RBFOX3: variants seen among roughly 807,000 people sequenced by gnomAD.
RBFOX3 encodes RNA binding protein fox-1 homolog 3.
Under a neutral mutation model 48.7 loss-of-function variants are expected in RBFOX3, and 17 were observed. The observed-to-expected ratio is 0.35, with a 90% confidence interval of 0.24 to 0.52. The LOEUF (loss-of-function observed/expected upper bound fraction) is 0.52, where lower values mean the gene tolerates loss of function less well. Among genes scored for constraint, RBFOX3 ranks in the 20% least tolerant of loss-of-function variants. The probability of loss-of-function intolerance (pLI) is 0.94; values close to 1 mark genes in which losing one functional copy is unlikely to be tolerated. For missense variants in RBFOX3, 382 were observed against 497.5 expected, an observed-to-expected ratio of 0.77 and a Z score of 2.21; for synonymous variants, 212 against 209.5, an observed-to-expected ratio of 1.01 and a Z score of -0.10.
chr17:79,487,254 G>C (rs1185454788), intron 1 of RBFOX3, among the ~76,000 whole-genome samples: 1 of 152,214 alleles, frequency 6.6e-6, no homozygotes, highest in African/African-American at 2.4e-5. Context: ...CAGGCAGAGA[G>C]GAGGCTAGGA....
At position 79,252,709 on chromosome 17, in the gene RBFOX3, C is replaced by T. The variant is rs8066768; in HGVS notation, c.-73-16904G>A. Among the ~76,000 whole-genome samples, 11,561 of 152,282 alleles carry T rather than the reference C, an allele frequency of 0.076. 459 individuals are homozygous for T. The highest frequency in any genetic ancestry group is 0.11 in the South Asian group (530 of 4,822). ...TAATGCGGTCCTCTTGGAAAGTTCT[C>T]AGCGTCACATCGCTCTGGCTGTGTT... On this transcript the variant is annotated intron_variant, in intron 3 of 14. Transcript: ENST00000693108. The surrounding 1 kb of genome is among the most constrained non-coding windows in gnomAD (Gnocchi z 4.0).
intron 14 of RBFOX3, chr17:79,092,370 C>A: frequency 1.0e-6 from 1 of 985,634 alleles, no homozygotes; most frequent in South Asian, 4.7e-5. Context: ...TGCAGACATA[C>A]AGGAAAAACC....
At chr17:79,411,850 A>G (rs2148591203) in intron 2 of RBFOX3, among the ~76,000 whole-genome samples, 1 of 152,364 alleles carries the variant, frequency 6.6e-6, no homozygotes, top group South Asian at 2.1e-4. Flanking sequence ...ACTGGGGCCA[A>G]TTAAATGGAA....
rs533471939 is a variant in RBFOX3 at position 79,283,351 on chromosome 17, C to T, written c.-74+24373G>A. Reference sequence around the variant, plus strand: ...TAGCGTGATCTCGGCTCACTGCAACCTCTGCCTCCTGGGTTCAAGCAATTC... The same window carrying T: ...TAGCGTGATCTCGGCTCACTGCAACTTCTGCCTCCTGGGTTCAAGCAATTC... On this transcript the variant is annotated intron_variant, in intron 3 of 14. Transcript: ENST00000693108. Among the ~76,000 whole-genome samples, 11 of 150,494 alleles carry T rather than the reference C, an allele frequency of 7.3e-5. No homozygotes were observed. In the East Asian group the frequency reaches 2.2e-3, roughly 30 times the overall value.
intron 3 of RBFOX3, among the ~76,000 whole-genome samples, chr17:79,303,059 A>G (rs2075562689): frequency 6.6e-6 from 1 of 152,084 alleles, no homozygotes; most frequent in Non-Finnish European, 1.5e-5. Context: ...ATTTACAAAA[A>G]TTAGATGGTT....
chr17:79,323,486 C>A (rs993352882), intron 2 of RBFOX3, among the ~76,000 whole-genome samples: 1 of 152,206 alleles, frequency 6.6e-6, no homozygotes, highest in Non-Finnish European at 1.5e-5. Flanking sequence ...TAAGCCCCAC[C>A]TTGCCACCCT....
At chr17:79,437,533 C>T (rs1404876876) in intron 2 of RBFOX3, among the ~76,000 whole-genome samples, 2 of 152,218 alleles carry the variant, frequency 1.3e-5, no homozygotes, top group African/African-American at 4.8e-5. Context: ...GAGCCCGGGA[C>T]ACCCGGTAGG....
intron 2 of RBFOX3, among the ~76,000 whole-genome samples, chr17:79,367,785 G>T (rs1032106869): frequency 7.2e-5 from 11 of 152,236 alleles, no homozygotes; most frequent in Admixed American, 2.0e-4. Context: ...GGCAGCCAAG[G>T]TATGTGACAG....
chr17:79,248,419 G>T (rs1248583333), intron 3 of RBFOX3, among the ~76,000 whole-genome samples: 1 of 152,180 alleles, frequency 6.6e-6, no homozygotes, highest in Non-Finnish European at 1.5e-5. Flanking sequence ...TAAAAGCCAG[G>T]TGTCTGTCCC....
chr17:79,263,559 G>A (rs1038607413), intron 3 of RBFOX3, among the ~76,000 whole-genome samples: 1 of 152,134 alleles, frequency 6.6e-6, no homozygotes, highest in Admixed American at 6.5e-5. Context: ...CAGGAAGGCA[G>A]AGGCTGCCCC....
At chr17:79,463,702 C>T (rs2075892161) in intron 2 of RBFOX3, among the ~76,000 whole-genome samples, 1 of 151,184 alleles carries the variant, frequency 6.6e-6, no homozygotes, top group African/African-American at 2.4e-5. Flanking sequence ...CTGCCATCAC[C>T]ACTGCCACCT....
At chr17:79,155,262 C>T (rs554587669) in intron 4 of RBFOX3, among the ~76,000 whole-genome samples, 2 of 152,352 alleles carry the variant, frequency 1.3e-5, no homozygotes, top group African/African-American at 2.4e-5. Context: ...TCAGAACCCG[C>T]CCCACACCCC....
At chr17:79,262,705 G>A (rs753893055) in intron 3 of RBFOX3, among the ~76,000 whole-genome samples, 6 of 152,188 alleles carry the variant, frequency 3.9e-5, no homozygotes, top group African/African-American at 9.6e-5. Flanking sequence ...TGGCTGCCCC[G>A]TGTGCCCCAC....
chr17:79,384,500 G>A (rs865904241), intron 2 of RBFOX3, among the ~76,000 whole-genome samples: 40 of 152,312 alleles, frequency 2.6e-4, no homozygotes, highest in African/African-American at 9.6e-4. Flanking sequence ...AGAACCGTCT[G>A]CCCTCAAAAT....
chr17:79,110,033 C>T (rs1387503737), intron 5 of RBFOX3, among the ~76,000 whole-genome samples: 1 of 152,050 alleles, frequency 6.6e-6, no homozygotes, highest in Non-Finnish European at 1.5e-5. Context: ...CACGGACTGC[C>T]CCAGGCCGGG....
At chr17:79,356,952 C>T (rs1275242139) in intron 2 of RBFOX3, among the ~76,000 whole-genome samples, 1 of 152,188 alleles carries the variant, frequency 6.6e-6, no homozygotes, top group Non-Finnish European at 1.5e-5. Flanking sequence ...AGATGGGACA[C>T]TTGGCTACCC....
At chr17:79,106,129 G>C (rs1401617208) in intron 6 of RBFOX3, among the ~76,000 whole-genome samples, 1 of 152,024 alleles carries the variant, frequency 6.6e-6, no homozygotes, top group Non-Finnish European at 1.5e-5. Context: ...TTCCCCACCT[G>C]GGGGCCCGGG....
chr17:79,648,978 C>CTTTTT, the RBFOX3 span, among the ~76,000 whole-genome samples: 1 of 133,222 alleles, frequency 7.5e-6, no homozygotes, highest in Non-Finnish European at 1.6e-5. Context: ...TGAAAAATGT[C>CTTTTT]TTTTTTTTTT....
At chr17:79,192,270 C>T (rs928754855) in intron 4 of RBFOX3, among the ~76,000 whole-genome samples, 3 of 152,194 alleles carry the variant, frequency 2.0e-5, no homozygotes, top group Non-Finnish European at 2.9e-5. Context: ...CTGCTCTTAG[C>T]CGCTCCCGGC....
Sources: gnomAD v4.1 joint callset for allele counts (sites outside exome capture counted in the v4.1 genomes callset) on GRCh38, gnomAD v4.1.1 for gene constraint, Gnocchi (gnomAD v3.1) non-coding constraint, MANE v1.5 for transcripts, NCBI Gene and HGNC (gene_info 2026-07-23, HGNC 2026-07-21) for gene names.